The following ANKRD30A variants were observed in gnomAD, a reference collection of about 807,000 sequenced individuals.
The protein encoded by ANKRD30A is ankyrin repeat domain-containing protein 30A.
A neutral mutation model predicts 166.3 loss-of-function variants in ANKRD30A; 170 were observed. The ratio of observed to expected loss-of-function variants is 1.02; its 90% CI spans 0.90 to 1.16. The LOEUF is 1.16. ANKRD30A is among the 50% of genes most tolerant of loss of function. The probability of loss-of-function intolerance (pLI) is 0.00; values close to 1 mark genes in which losing one functional copy is unlikely to be tolerated. For missense variants in ANKRD30A, 1,630 were observed against 1,518.0 expected, an observed-to-expected ratio of 1.07 and a Z score of -1.23; for synonymous variants, 564 against 508.9, an observed-to-expected ratio of 1.11 and a Z score of -1.46.
chr10:37,208,806 G>C (rs1842124721), intron 31 of ANKRD30A, among the ~76,000 whole-genome samples: 2 of 152,134 alleles, frequency 1.3e-5, no homozygotes, highest in African/African-American at 4.8e-5. Flanking sequence ...AACTTAAATA[G>C]AAGAAGTGAC....
chr10:37,165,437 T>C, intron 18 of ANKRD30A, among the ~76,000 whole-genome samples: 1 of 152,224 alleles, frequency 6.6e-6, no homozygotes, highest in African/African-American at 2.4e-5. Flanking sequence ...TGGAGTACGT[T>C]TGTCTAAAAG....
chr10:37,133,490 C>T (rs1417474811), intron 4 of ANKRD30A, among the ~76,000 whole-genome samples: 1 of 152,176 alleles, frequency 6.6e-6, no homozygotes, highest in South Asian at 2.1e-4. Context: ...TTCTTATCAG[C>T]ATCATTAACT....
intron 6 of ANKRD30A, among the ~76,000 whole-genome samples, chr10:37,140,805 A>G (rs1340723183): frequency 1.3e-5 from 2 of 152,202 alleles, no homozygotes; most frequent in South Asian, 2.1e-4. Context: ...TATGAATTAT[A>G]TGGGCATATC....
At chr10:37,209,507 C>T (rs1036578112) in intron 31 of ANKRD30A, among the ~76,000 whole-genome samples, 3 of 152,064 alleles carry the variant, frequency 2.0e-5, no homozygotes, top group Admixed American at 6.6e-5. Flanking sequence ...ACCAAAGGCA[C>T]GGTGCTAAAT....
chr10:37,211,284 C>T (rs1050316592), intron 31 of ANKRD30A, among the ~76,000 whole-genome samples: 3 of 151,434 alleles, frequency 2.0e-5, no homozygotes, highest in South Asian at 2.1e-4. Flanking sequence ...AATGCTATCC[C>T]TCCCCCACCC....
chr10:37,252,082 C>A, the ANKRD30A span, among the ~76,000 whole-genome samples: 55 of 152,160 alleles, frequency 3.6e-4, no homozygotes, highest in African/African-American at 1.3e-3. Flanking sequence ...AGCAACCCTC[C>A]TTGAAGTGTA....
the ANKRD30A span, among the ~76,000 whole-genome samples, chr10:37,258,644 GT>G: frequency 6.9e-6 from 1 of 145,800 alleles, no homozygotes; most frequent in Non-Finnish European, 1.5e-5. Flanking sequence ...AATGTGAAAG[GT>G]TAAAAATTAA....
the ANKRD30A span, among the ~76,000 whole-genome samples, chr10:37,239,950 A>T: frequency 6.6e-6 from 1 of 152,130 alleles, no homozygotes; most frequent in African/African-American, 2.4e-5. Context: ...ATGCAGCAGG[A>T]GTGGCAGAAA....
the ANKRD30A span, among the ~76,000 whole-genome samples, chr10:37,250,217 T>C: frequency 6.6e-6 from 1 of 152,250 alleles, no homozygotes; most frequent in South Asian, 2.1e-4. Flanking sequence ...TGGGTAGAGC[T>C]TATATAATAA....
At chr10:37,244,579 C>T in the ANKRD30A span, among the ~76,000 whole-genome samples, 21 of 152,348 alleles carry the variant, frequency 1.4e-4, no homozygotes, top group African/African-American at 3.8e-4. Flanking sequence ...TGCCCTTAGG[C>T]GAGTACTCAC....
chr10:37,165,506 A>G (rs1353946963), intron 18 of ANKRD30A, among the ~76,000 whole-genome samples: 4 of 152,176 alleles, frequency 2.6e-5, no homozygotes, highest in Non-Finnish European at 5.9e-5. Context: ...TTATATCTAG[A>G]GGTAGAAAAG....
At position 37,189,998 on chromosome 10, in the gene ANKRD30A, A is replaced by G. The variant is rs535254941; in HGVS notation, c.2512+441A>G. On this transcript the variant is annotated intron_variant, in intron 25 of 35. Coordinates refer to ENST00000361713, the MANE Select transcript of ANKRD30A (RefSeq NM_052997.3). ...TGACCTTCTAGAACCAAAATTTACC[A>G]GAGAATTACAGCAAAAATATTCTGA... 1.1e-3 allele frequency among the ~76,000 whole-genome samples: 166 copies of G among 152,026 alleles called. 2 individuals carry two copies. The highest frequency in any genetic ancestry group is 2.8e-3 in the Admixed American group (43 of 15,268).
At chr10:37,126,308 T>A (rs1836006314) in intron 1 of ANKRD30A, among the ~76,000 whole-genome samples, 1 of 152,256 alleles carries the variant, frequency 6.6e-6, no homozygotes. Context: ...TAGAGAATTT[T>A]AAAGTGATTT....
chr10:37,158,552 C>T lies in ANKRD30A; in HGVS notation c.1866C>T (p.Ala622=). The part of the protein sequence containing the change: ...CGMKVSIPTK[A]LELKDMQTFK... ...TGAAAGTTTCTATTCCAACTAAAGC[C>T]TTAGAATTGAAGGACATGCAAACTT... Residue 622 remains alanine, a synonymous_variant, in exon 15 of 36, where the codon GCC becomes GCT. Transcript: ENST00000361713. 6.2e-7 allele frequency: 1 copy of T among 1,613,314 alleles called. No homozygotes were observed. Among genetic ancestry groups the T allele is most frequent in the Non-Finnish European group, 8.5e-7 (1 of 1,179,694 alleles).
At chr10:37,143,926 T>G (rs1182362816) in intron 7 of ANKRD30A, among the ~76,000 whole-genome samples, 1 of 151,922 alleles carries the variant, frequency 6.6e-6, no homozygotes, top group Admixed American at 6.6e-5. Flanking sequence ...TTTTTTTTTT[T>G]TTTTTGTCAC....
intron 34 of ANKRD30A, among the ~76,000 whole-genome samples, chr10:37,229,912 C>T (rs932880276): frequency 3.3e-5 from 5 of 151,776 alleles, no homozygotes; most frequent in African/African-American, 4.8e-5. Flanking sequence ...ATGGGGTATT[C>T]GTCACCTCAA....
the ANKRD30A span, chr10:37,242,123 G>C: frequency 6.6e-6 from 1 of 152,176 alleles, no homozygotes; most frequent in African/African-American, 2.4e-5. Flanking sequence ...TTTAGCTTCT[G>C]TATCTCTTAG....
the ANKRD30A span, among the ~76,000 whole-genome samples, chr10:37,259,138 A>C: frequency 1.3e-5 from 2 of 152,060 alleles, no homozygotes; most frequent in Non-Finnish European, 2.9e-5. Flanking sequence ...GTCATGATTA[A>C]GAGAAAGAAA....
chr10:37,165,874 C>T (rs1437155747), intron 18 of ANKRD30A, among the ~76,000 whole-genome samples: 1 of 152,066 alleles, frequency 6.6e-6, no homozygotes, highest in Admixed American at 6.6e-5. Flanking sequence ...TAGAAACAAG[C>T]AGCTGCTGCC....
Sources: allele counts gnomAD v4.1 joint callset (sites outside exome capture counted in the v4.1 genomes callset), GRCh38; gene constraint gnomAD v4.1.1; transcripts MANE v1.5; gene names NCBI Gene and HGNC (gene_info 2026-07-23, HGNC 2026-07-21).